PDGFD: variants seen among roughly 807,000 people sequenced by gnomAD.
PDGFD encodes platelet-derived growth factor D.
A neutral mutation model predicts 44.7 loss-of-function variants in PDGFD; 30 were observed. The observed-to-expected ratio is 0.67, with a 90% CI of 0.50 to 0.91. The LOEUF is 0.91. PDGFD is among the 40% of genes least tolerant of loss of function. The probability of loss-of-function intolerance (pLI) is 0.00; values close to 1 mark genes in which losing one functional copy is unlikely to be tolerated. For synonymous variants in PDGFD, 173 were observed against 168.4 expected (o/e 1.03, Z -0.21); for missense variants, 445 against 457.8 (o/e 0.97, Z 0.25).
rs1230628269 is a variant in PDGFD, at chr11:104,119,654, T to A, written c.124+44150A>T. 1.1e-3 allele frequency among the ~76,000 whole-genome samples: 4 copies of A among 3,650 alleles called. No homozygotes were observed. In the Non-Finnish European group the frequency reaches 0.059, roughly 54 times the overall value. The allele number at this position is 3,650 out of a possible 152,430, so 2.4% of individuals were successfully genotyped here. ...TTAATATATAATATATTAATAGATA[T>A]ATATAATTATATATCGATATATATA... On this transcript the variant is annotated intron_variant, in intron 1 of 6. Transcript: ENST00000393158.
intron 3 of PDGFD, among the ~76,000 whole-genome samples, chr11:103,970,989 C>T (rs1256626008): frequency 6.6e-6 from 1 of 152,094 alleles, no homozygotes; most frequent in Non-Finnish European, 1.5e-5. Flanking sequence ...AAATCTACCC[C>T]ATTGCTGTGA....
chr11:103,949,584 A>G (rs940707206), intron 3 of PDGFD, among the ~76,000 whole-genome samples: 1 of 152,228 alleles, frequency 6.6e-6, no homozygotes, highest in Non-Finnish European at 1.5e-5. Context: ...TCCTCACATT[A>G]CAGAATTTTC....
intron 3 of PDGFD, among the ~76,000 whole-genome samples, chr11:103,994,378 C>T (rs986690580): frequency 4.6e-5 from 7 of 152,154 alleles, no homozygotes; most frequent in African/African-American, 1.7e-4. Context: ...AATGTAGAAA[C>T]CAAAGGTTCA....
rs575458714 is a variant in PDGFD at position 104,012,951 on chromosome 11, C to T, written c.125-12696G>A. ...GGCCTCACCCTCAAGCCTGGGCCTG[C>T]GGCCCTAAATGAGAACTTCACAACC... On this transcript the variant is annotated intron_variant, in intron 1 of 6. Coordinates refer to ENST00000393158, the MANE Select transcript of PDGFD (RefSeq NM_025208.5). 3.9e-5 allele frequency among the ~76,000 whole-genome samples: 6 copies of T among 152,320 alleles called. No homozygotes were observed. The South Asian group carries it at 6.2e-4, about 16-fold the overall frequency.
intron 1 of PDGFD, among the ~76,000 whole-genome samples, chr11:104,020,032 G>A (rs1859925869): frequency 6.6e-6 from 1 of 152,024 alleles, no homozygotes; most frequent in African/African-American, 2.4e-5. Context: ...AAGCTAAACA[G>A]ATGCACAGAA....
In PDGFD at chr11:103,908,778, C is replaced by A. The variant is rs1291212034; in HGVS notation, c.*916G>T. Reference sequence around the variant, plus strand: ...TGTTCACTTTTTAAGTTCTCAACTACCCACATCTTTCACTGAACACCATCT... The same window carrying A: ...TGTTCACTTTTTAAGTTCTCAACTAACCACATCTTTCACTGAACACCATCT... On this transcript the variant is annotated 3_prime_UTR_variant, in exon 7 of 7. Coordinates refer to ENST00000393158, the MANE Select transcript of PDGFD (RefSeq NM_025208.5). 1 of 152,172 alleles carries A rather than the reference C, an allele frequency of 6.6e-6. No individual in the cohort carries two copies. The highest frequency in any genetic ancestry group is 1.5e-5 in the Non-Finnish European group (1 of 68,018). 9.4% of individuals were successfully genotyped at this position (152,172 alleles called of 1,614,324 possible).
At chr11:104,156,535 C>T (rs543384386) in intron 1 of PDGFD, among the ~76,000 whole-genome samples, 3 of 152,270 alleles carry the variant, frequency 2.0e-5, no homozygotes, top group East Asian at 1.9e-4. Flanking sequence ...GATGACTTCT[C>T]ATAATGAAAG....
At chr11:104,123,897 G>A (rs1861809986) in intron 1 of PDGFD, among the ~76,000 whole-genome samples, 2 of 152,006 alleles carry the variant, frequency 1.3e-5, no homozygotes, top group Admixed American at 6.6e-5. Flanking sequence ...AACTGGCAAA[G>A]GCCCAACTAT....
intron 1 of PDGFD, among the ~76,000 whole-genome samples, chr11:104,043,434 G>A (rs1045188135): frequency 4.6e-5 from 7 of 152,096 alleles, no homozygotes; most frequent in East Asian, 1.9e-4. Flanking sequence ...GCATATGGCC[G>A]ATTCTTAGGC....
intron 1 of PDGFD, among the ~76,000 whole-genome samples, chr11:104,055,866 T>A (rs1301276254): frequency 1.3e-5 from 2 of 152,158 alleles, no homozygotes; most frequent in African/African-American, 2.4e-5. Context: ...GCTTCCTTCA[T>A]ATAAGGAGAA....
intron 1 of PDGFD, among the ~76,000 whole-genome samples, chr11:104,156,325 A>C (rs542187040): frequency 3.3e-5 from 5 of 152,290 alleles, no homozygotes; most frequent in Admixed American, 1.3e-4. Flanking sequence ...ACTGAACTCC[A>C]GCTTGGGAGC....
chr11:104,003,381 T>G (rs1453393911), intron 1 of PDGFD, among the ~76,000 whole-genome samples: 1 of 152,206 alleles, frequency 6.6e-6, no homozygotes, highest in Non-Finnish European at 1.5e-5. Flanking sequence ...TGTGGGTGAA[T>G]AGTTTGTTAA....
intron 3 of PDGFD, among the ~76,000 whole-genome samples, chr11:103,993,854 G>C (rs1474029160): frequency 2.0e-5 from 3 of 152,122 alleles, no homozygotes; most frequent in Admixed American, 6.5e-5. Context: ...AAAAGAGTCT[G>C]TAGCTATTCT....
chr11:104,087,998 C>T (rs1288789284), intron 1 of PDGFD, among the ~76,000 whole-genome samples: 1 of 152,196 alleles, frequency 6.6e-6, no homozygotes, highest in Non-Finnish European at 1.5e-5. Context: ...TCATACTTTT[C>T]CATTTGAAGG....
intron 3 of PDGFD, among the ~76,000 whole-genome samples, chr11:103,983,590 G>C (rs1859306213): frequency 1.3e-5 from 2 of 151,778 alleles, no homozygotes; most frequent in South Asian, 4.1e-4. Context: ...AAACTAAAGA[G>C]CTTCTGCACA....
chr11:104,064,283 T>C (rs1165027280), intron 1 of PDGFD, among the ~76,000 whole-genome samples: 29 of 152,240 alleles, frequency 1.9e-4, no homozygotes, highest in Admixed American at 1.9e-3. Flanking sequence ...ATGTGATATA[T>C]ACATCGACTG....
At chr11:103,966,119 C>A (rs1261574785) in intron 3 of PDGFD, among the ~76,000 whole-genome samples, 2 of 152,174 alleles carry the variant, frequency 1.3e-5, no homozygotes, top group Non-Finnish European at 2.9e-5. Context: ...AGGCAAAAAA[C>A]ATCTAATTAG....
chr11:104,113,160 A>G (rs1416940582), intron 1 of PDGFD, among the ~76,000 whole-genome samples: 1 of 152,188 alleles, frequency 6.6e-6, no homozygotes, highest in East Asian at 1.9e-4. Flanking sequence ...GCCTATACCA[A>G]AGATTACATA....
intron 1 of PDGFD, among the ~76,000 whole-genome samples, chr11:104,063,115 G>T (rs1323375663): frequency 6.6e-6 from 1 of 152,084 alleles, no homozygotes; most frequent in Non-Finnish European, 1.5e-5. Flanking sequence ...CTGCTAAATA[G>T]TACAGAATGA....
Sources: gnomAD v4.1 joint callset for allele counts (sites outside exome capture counted in the v4.1 genomes callset) on GRCh38, gnomAD v4.1.1 for gene constraint, MANE v1.5 for transcripts, NCBI Gene and HGNC (gene_info 2026-07-23, HGNC 2026-07-21) for gene names.